Variants in PLVAP observed in about 807,000 individuals in gnomAD.
The protein encoded by PLVAP is plasmalemma vesicle-associated protein.
PLVAP carries 34 observed loss-of-function variants against 43.1 expected under a neutral mutation model. The observed-to-expected ratio is 0.79, with a 90% CI of 0.60 to 1.05. The LOEUF is 1.05. PLVAP is among the 50% of genes least tolerant of loss of function. PLVAP has a pLI of 0.00. For synonymous variants in PLVAP, 241 were observed against 237.3 expected, an observed-to-expected ratio of 1.02 and a Z score of -0.14; for missense variants, 574 against 593.4, an observed-to-expected ratio of 0.97 and a Z score of 0.34.
At chr19:17,364,005 C>G (rs962770230) in intron 3 of PLVAP, among the ~76,000 whole-genome samples, 4 of 152,020 alleles carry the variant, frequency 2.6e-5, no homozygotes, top group African/African-American at 9.7e-5. Flanking sequence ...CTCGGCCGCC[C>G]AAAGTGCCGG....
At chr19:17,362,679 A>G (rs1218734866) in intron 3 of PLVAP, 1 of 152,264 alleles carries the variant, frequency 6.6e-6, no homozygotes. Flanking sequence ...CTGAGATCCT[A>G]GATCATTCTT....
intron 4 of PLVAP, 50 bp downstream of exon 4, chr19:17,360,722 G>C (rs372998992): frequency 6.3e-7 from 1 of 1,588,396 alleles, no homozygotes; most frequent in Non-Finnish European, 8.6e-7. Context: ...GGTGGGGTTC[G>C]AGGTGGAAAG....
In PLVAP at chr19:17,373,119, G is replaced by C. The variant is rs941773439; in HGVS notation, c.369+3801C>G. ...GAAAGAAAAGACACCAGTTAGCCAGGTTCAGGTCTGAGAGGGGAGGCAGGG... is the reference window on the plus strand; with the variant it reads ...GAAAGAAAAGACACCAGTTAGCCAGCTTCAGGTCTGAGAGGGGAGGCAGGG... On this transcript the variant is annotated intron_variant, in intron 1 of 5. Coordinates refer to ENST00000252590, the MANE Select transcript of PLVAP (RefSeq NM_031310.3). Among the ~76,000 whole-genome samples the C allele has an allele frequency of 2.0e-4, 18 of 91,950 alleles. 1 individual carries two copies. Among genetic ancestry groups the C allele is most frequent in the African/African-American group, 6.5e-4 (14 of 21,572 alleles). The allele number at this position is 91,950 out of a possible 152,430, so 60.3% of individuals were successfully genotyped here.
chr19:17,365,371 A>C lies in PLVAP; in HGVS notation c.1094T>G (p.Leu365Arg). Residue 365 changes from leucine to arginine, a missense_variant, in exon 3 of 6, where the codon CTG (leucine) becomes CGG (arginine). Coordinates refer to ENST00000252590, the MANE Select transcript of PLVAP (RefSeq NM_031310.3). ...RKERDNLAKE[L>R]EEKKREAEQL... The stretch of plus-strand genomic sequence containing the variant: ...CTCCGCCTCCCTCTTCTTCTCTTCC[A>C]GCTCCTTGGCCAGGTTGTCTCGTTC... 6.2e-7 allele frequency: 1 copy of C among 1,613,374 alleles called. No homozygotes were observed. The highest frequency in any genetic ancestry group is 1.3e-5 in the African/African-American group (1 of 75,020).
rs1427719214 is a variant in PLVAP, at chr19:17,352,486, T to C, written c.1323-118A>G. 4 of 1,132,798 alleles carry C rather than the reference T, an allele frequency of 3.5e-6. No homozygotes were observed. In the South Asian group the frequency reaches 3.9e-5, roughly 11 times the overall value. The allele number at this position is 1,132,798 out of a possible 1,614,324, so 70.2% of individuals were successfully genotyped here. On this transcript the variant is annotated intron_variant, in intron 5 of 5. Coordinates refer to ENST00000252590, the MANE Select transcript of PLVAP (RefSeq NM_031310.3). The stretch of plus-strand genomic sequence containing the variant: ...CACAACATCCTGGGGACCCCGGCCC[T>C]GCCTCCTACCACCCTGGGCCCCTAC...
intron 1 of PLVAP, among the ~76,000 whole-genome samples, chr19:17,370,162 G>T (rs1568376619): frequency 6.6e-6 from 1 of 152,244 alleles, no homozygotes; most frequent in East Asian, 1.9e-4. Context: ...TGTTGATGAG[G>T]ATGTGGGGAA....
chr19:17,371,303 A>C (rs1004373299), intron 1 of PLVAP, among the ~76,000 whole-genome samples: 2 of 150,134 alleles, frequency 1.3e-5, no homozygotes, highest in Non-Finnish European at 3.0e-5. Context: ...CTGGGAATAC[A>C]GGGGTGCACC....
At chr19:17,358,427 GT>G (rs928092017) in intron 5 of PLVAP, among the ~76,000 whole-genome samples, 20 of 152,278 alleles carry the variant, frequency 1.3e-4, no homozygotes, top group African/African-American at 4.6e-4. Flanking sequence ...TGGCAAAATG[GT>G]CATAGGCACA....
Position 17,365,912 on chromosome 19 carries a change from T to C in PLVAP, c.553A>G (p.Ser185Gly), listed in dbSNP as rs1204143504. ...EKTICTKDKE[S>G]VLLNKRVAEE... ...GCCACGCGTTTGTTCAGCAGCACGC[T>C]TTCCTTATCCTTAGTGCAAATGGTC... Residue 185 changes from serine to glycine, a missense_variant, in exon 3 of 6, where the codon AGC (serine) becomes GGC (glycine). By Grantham distance (56) the Ser-to-Gly change is moderately conservative. Coordinates refer to ENST00000252590, the MANE Select transcript of PLVAP (RefSeq NM_031310.3). 1.2e-6 allele frequency: 2 copies of C among 1,613,950 alleles called. No homozygotes were observed. The highest frequency in any genetic ancestry group is 1.1e-5 in the South Asian group (1 of 91,090).
chr19:17,358,890 C>G (rs1158249403), intron 5 of PLVAP, among the ~76,000 whole-genome samples: 1 of 152,002 alleles, frequency 6.6e-6, no homozygotes, highest in Non-Finnish European at 1.5e-5. Flanking sequence ...GCCTCCACCT[C>G]CTGGACTCGG....
intron 3 of PLVAP, among the ~76,000 whole-genome samples, chr19:17,364,086 T>C (rs2074539083): frequency 6.7e-6 from 1 of 150,288 alleles, no homozygotes; most frequent in South Asian, 2.1e-4. Context: ...GTTTTGTGTT[T>C]TGTTTGTTTG....
chr19:17,353,930 C>T (rs1316302141), intron 5 of PLVAP, among the ~76,000 whole-genome samples: 3 of 66,948 alleles, frequency 4.5e-5, no homozygotes, highest in African/African-American at 8.2e-5. Flanking sequence ...TCATCAGAGG[C>T]GTTAACAGTG....
At chr19:17,353,215 G>A (rs1243792306) in intron 5 of PLVAP, among the ~76,000 whole-genome samples, 1 of 152,128 alleles carries the variant, frequency 6.6e-6, no homozygotes, top group African/African-American at 2.4e-5. Context: ...TTGGCTCTGG[G>A]CCCTGGCCCT....
chr19:17,360,433 C>T, intron 5 of PLVAP, 95 bp downstream of exon 5: 1 of 1,314,304 alleles, frequency 7.6e-7, no homozygotes, highest in Non-Finnish European at 1.1e-6. Context: ...AAGGAAGAAG[C>T]AAGTGTGAGA....
At chr19:17,371,763 G>A (rs558315753) in intron 1 of PLVAP, among the ~76,000 whole-genome samples, 5 of 152,312 alleles carry the variant, frequency 3.3e-5, no homozygotes, top group Admixed American at 6.5e-5. Flanking sequence ...GATTACAGGT[G>A]TGAACCACCA....
At chr19:17,367,542 CA>C (rs2074555339) in intron 1 of PLVAP, among the ~76,000 whole-genome samples, 2 of 152,108 alleles carry the variant, frequency 1.3e-5, no homozygotes, top group Admixed American at 1.3e-4. Context: ...GCATGCGCCA[CA>C]ACACCCGGCT....
intron 1 of PLVAP, among the ~76,000 whole-genome samples, chr19:17,369,935 G>C (rs992395219): frequency 1.3e-5 from 2 of 149,982 alleles, no homozygotes; most frequent in Admixed American, 6.7e-5. Context: ...CCCGGGAGAT[G>C]GAGGTTGCAG....
intron 3 of PLVAP, among the ~76,000 whole-genome samples, chr19:17,364,381 A>C (rs1243917244): frequency 6.6e-6 from 1 of 151,830 alleles, no homozygotes; most frequent in African/African-American, 2.4e-5. Context: ...CACCACACCC[A>C]GCCTGGGGTG....
intron 1 of PLVAP, among the ~76,000 whole-genome samples, chr19:17,367,537 C>A (rs950281752): frequency 2.6e-5 from 4 of 151,964 alleles, no homozygotes; most frequent in African/African-American, 9.7e-5. Context: ...TACAGGCATG[C>A]GCCACAACAC....
Sources: allele counts gnomAD v4.1 joint callset (sites outside exome capture counted in the v4.1 genomes callset), GRCh38; gene constraint gnomAD v4.1.1; transcripts MANE v1.5; gene names NCBI Gene and HGNC (gene_info 2026-07-23, HGNC 2026-07-21).